DNAJC1: variants seen among roughly 807,000 people sequenced by gnomAD.
The protein encoded by DNAJC1 is dnaJ homolog subfamily C member 1.
In DNAJC1, 58 loss-of-function variants were observed where a neutral mutation model predicts 76.6. The ratio of observed to expected loss-of-function variants is 0.76; its 90% CI spans 0.61 to 0.94. The LOEUF (loss-of-function observed/expected upper bound fraction) is 0.94, where lower values mean the gene tolerates loss of function less well. Among genes scored for constraint, DNAJC1 ranks in the 40% least tolerant of loss-of-function variants. DNAJC1 has a pLI of 0.00. For missense variants in DNAJC1, 689 were observed against 677.3 expected, an observed-to-expected ratio of 1.02 and a Z score of -0.19; for synonymous variants, 258 against 267.9, an observed-to-expected ratio of 0.96 and a Z score of 0.36.
At chr10:21,781,199 T>C (rs1834523475) in intron 9 of DNAJC1, among the ~76,000 whole-genome samples, 1 of 152,068 alleles carries the variant, frequency 6.6e-6, no homozygotes, top group Non-Finnish European at 1.5e-5. Flanking sequence ...GACAGAAAGT[T>C]AACAAGGATA....
At chr10:21,932,506 G>A (rs1273681664) in intron 1 of DNAJC1, among the ~76,000 whole-genome samples, 1 of 152,204 alleles carries the variant, frequency 6.6e-6, no homozygotes, top group African/African-American at 2.4e-5. Flanking sequence ...AACTTTATCT[G>A]ATCTCTAAAA....
chr10:21,799,455 A>C (rs1162155807), intron 9 of DNAJC1, among the ~76,000 whole-genome samples: 1 of 151,872 alleles, frequency 6.6e-6, no homozygotes, highest in Non-Finnish European at 1.5e-5. Flanking sequence ...GTGCAACCAC[A>C]CCTGGCTAAT....
At chr10:21,805,220 A>G (rs907645949) in intron 9 of DNAJC1, among the ~76,000 whole-genome samples, 1 of 152,128 alleles carries the variant, frequency 6.6e-6, no homozygotes, top group African/African-American at 2.4e-5. Context: ...TTAGTAAAGC[A>G]TATTTACTAT....
At position 21,759,461 on chromosome 10, in the gene DNAJC1, GGTCTCCTGCTCACCGGA is replaced by G. The variant is rs748665099; in HGVS notation, c.1288_1304del (p.Ser430ArgfsTer4). ...TCCGAGGCCGGGCATCAGTGGCCCCGGTCTCCTGCTCACCGGAGTCTCCCTCCTGCTCCTCCTCCGCT... is the reference window on the plus strand; with the variant it reads ...TCCGAGGCCGGGCATCAGTGGCCCCGGTCTCCCTCCTGCTCCTCCTCCGCT... On this transcript the variant is annotated frameshift_variant, in exon 11 of 12. Transcript: ENST00000376980. LOFTEE classifies it high-confidence loss of function. 6.2e-7 allele frequency: 1 copy of G among 1,614,132 alleles called. No individual in the cohort carries two copies. Among genetic ancestry groups the G allele is most frequent in the Non-Finnish European group, 8.5e-7 (1 of 1,180,042 alleles).
At chr10:21,805,393 C>A (rs1834871327) in intron 9 of DNAJC1, among the ~76,000 whole-genome samples, 1 of 151,064 alleles carries the variant, frequency 6.6e-6, no homozygotes, top group Admixed American at 6.6e-5. Context: ...AGCATTAAGT[C>A]AAAACCTTTC....
chr10:21,815,062 G>A (rs542013657), intron 8 of DNAJC1, among the ~76,000 whole-genome samples: 7 of 152,172 alleles, frequency 4.6e-5, no homozygotes, highest in Non-Finnish European at 1.0e-4. Flanking sequence ...TGTGGCTAGG[G>A]CACTGTGTCA....
chr10:21,766,961 C>G (rs1453622542), intron 9 of DNAJC1, among the ~76,000 whole-genome samples: 2 of 144,248 alleles, frequency 1.4e-5, no homozygotes, highest in Non-Finnish European at 3.0e-5. Context: ...CGGAGTGAGA[C>G]CCTGCCTAAA....
At chr10:21,777,342 G>A (rs1031531949) in intron 9 of DNAJC1, among the ~76,000 whole-genome samples, 2 of 152,084 alleles carry the variant, frequency 1.3e-5, no homozygotes, top group African/African-American at 4.8e-5. Flanking sequence ...AGAAAGAAAA[G>A]GTTTCCTGTA....
At position 21,957,814 on chromosome 10, in the gene DNAJC1, T is replaced by G. The variant is rs184006873; in HGVS notation, c.223-28673A>C. ...TTGGTACATATACTTCTCAATATTT[T>G]TTTAAAAATGTGCTTACTTTCATAT... On this transcript the variant is annotated intron_variant, in intron 1 of 11. Transcript: ENST00000376980. Among the ~76,000 whole-genome samples the G allele has an allele frequency of 2.6e-5, 4 of 152,334 alleles. No individual in the cohort carries two copies. The East Asian group carries it at 7.7e-4, about 29-fold the overall frequency.
At chr10:21,896,425 C>G (rs926120080) in intron 7 of DNAJC1, among the ~76,000 whole-genome samples, 2 of 152,204 alleles carry the variant, frequency 1.3e-5, no homozygotes, top group Non-Finnish European at 2.9e-5. Context: ...TTTCAGCTTA[C>G]TTGGGGACTG....
chr10:21,986,129 A>G (rs1244882422), intron 1 of DNAJC1, among the ~76,000 whole-genome samples: 1 of 152,158 alleles, frequency 6.6e-6, no homozygotes, highest in Non-Finnish European at 1.5e-5. Flanking sequence ...CGGGAGGCTG[A>G]GGCAGGAGAA....
intron 1 of DNAJC1, among the ~76,000 whole-genome samples, chr10:21,998,216 C>T (rs1488179443): frequency 6.6e-6 from 1 of 151,794 alleles, no homozygotes; most frequent in African/African-American, 2.4e-5. Flanking sequence ...CATGGCGAAA[C>T]CCCATCTCTA....
intron 1 of DNAJC1, among the ~76,000 whole-genome samples, chr10:21,997,029 G>C (rs1838426847): frequency 6.6e-6 from 1 of 151,862 alleles, no homozygotes. Flanking sequence ...AATAAAAATG[G>C]GGAAGCTATT....
intron 8 of DNAJC1, among the ~76,000 whole-genome samples, chr10:21,818,725 G>A (rs572996049): frequency 4.6e-5 from 7 of 152,174 alleles, no homozygotes; most frequent in African/African-American, 1.2e-4. Context: ...CAGGTTCCCC[G>A]ATAAAGAAAG....
intron 1 of DNAJC1, among the ~76,000 whole-genome samples, chr10:21,989,923 C>T (rs1285757758): frequency 6.6e-6 from 1 of 152,152 alleles, no homozygotes; most frequent in Non-Finnish European, 1.5e-5. Context: ...ATTAAAATTC[C>T]ACTCGCAGAA....
chr10:21,926,679 T>C (rs1261827756), intron 3 of DNAJC1, among the ~76,000 whole-genome samples: 2 of 152,192 alleles, frequency 1.3e-5, no homozygotes, highest in Non-Finnish European at 2.9e-5. Flanking sequence ...AGAGGAGTGA[T>C]TCTTAGCTTC....
chr10:21,953,228 T>C (rs1837626193), intron 1 of DNAJC1, among the ~76,000 whole-genome samples: 1 of 152,094 alleles, frequency 6.6e-6, no homozygotes, highest in South Asian at 2.1e-4. Context: ...GGAACTCAAA[T>C]GTTGAATGAT....
At chr10:21,786,231 T>A (rs1834605521) in intron 9 of DNAJC1, among the ~76,000 whole-genome samples, 1 of 151,796 alleles carries the variant, frequency 6.6e-6, no homozygotes, top group East Asian at 1.9e-4. Context: ...GAGAGGTCCA[T>A]CTGACACCTG....
chr10:21,764,285 ATAT>A (rs1183963608), intron 10 of DNAJC1, among the ~76,000 whole-genome samples: 1 of 152,248 alleles, frequency 6.6e-6, no homozygotes, highest in African/African-American at 2.4e-5. Flanking sequence ...TCTTGTAAAA[ATAT>A]TATATGCACA....
Sources: allele counts gnomAD v4.1 joint callset (sites outside exome capture counted in the v4.1 genomes callset), GRCh38; gene constraint gnomAD v4.1.1; transcripts MANE v1.5; gene names NCBI Gene and HGNC (gene_info 2026-07-23, HGNC 2026-07-21).